The following SEMA3C variants were observed in gnomAD, a reference collection of about 807,000 sequenced individuals.
The protein encoded by SEMA3C is semaphorin-3C.
Under a neutral mutation model 89.4 loss-of-function variants are expected in SEMA3C, and 47 were observed. The observed-to-expected ratio is 0.53, with a 90% CI of 0.42 to 0.67. The LOEUF (loss-of-function observed/expected upper bound fraction) is 0.67. Ranked by LOEUF, SEMA3C falls within the 30% of genes least tolerant of loss-of-function variation. The pLI is 0.00. For missense variants in SEMA3C, 839 were observed against 929.1 expected (o/e 0.90, Z 1.26); for synonymous variants, 310 against 320.2 (o/e 0.97, Z 0.34).
At position 80,809,750 on chromosome 7, in the gene SEMA3C, A is replaced by G. The variant is rs553063966; in HGVS notation, c.538+861T>C. On this transcript the variant is annotated intron_variant, in intron 6 of 17. Transcript: ENST00000265361. ...GGATTTTTAAAAACATGGTACATAT[A>G]TACACGATGGAATACTATACAGCCT... is the stretch of plus-strand genomic sequence containing the variant. Among the ~76,000 whole-genome samples, 32 of 152,336 alleles carry G rather than the reference A, an allele frequency of 2.1e-4. No individual in the cohort carries two copies. In the South Asian group the frequency reaches 5.2e-3, roughly 25 times the overall value.
At chr7:80,899,427 T>C (rs1027078526) in intron 2 of SEMA3C, among the ~76,000 whole-genome samples, 1 of 152,184 alleles carries the variant, frequency 6.6e-6, no homozygotes, top group Non-Finnish European at 1.5e-5. Flanking sequence ...TGATATGACA[T>C]ATTGTTAGAA....
intron 2 of SEMA3C, among the ~76,000 whole-genome samples, chr7:80,893,475 T>G (rs1791663412): frequency 6.6e-6 from 1 of 152,154 alleles, no homozygotes; most frequent in East Asian, 1.9e-4. Context: ...CTCTCTAGCC[T>G]TCAACACTGA....
chr7:80,891,572 T>C (rs1249648442), intron 2 of SEMA3C, among the ~76,000 whole-genome samples: 1 of 152,118 alleles, frequency 6.6e-6, no homozygotes, highest in Non-Finnish European at 1.5e-5. Flanking sequence ...GCCCTTTCTT[T>C]GCACACCTAT....
chr7:80,804,284 T>C, intron 7 of SEMA3C, 36 bp from the exon 8 acceptor site: 1 of 1,447,146 alleles, frequency 6.9e-7, no homozygotes, highest in Non-Finnish European at 9.2e-7. Context: ...TATATATTCA[T>C]TATGAAAATC....
intron 4 of SEMA3C, 31 bp downstream of exon 4, chr7:80,827,390 GTGTT>G: frequency 4.0e-6 from 4 of 1,008,036 alleles, no homozygotes; most frequent in Non-Finnish European, 5.4e-6. Flanking sequence ...ATTTAAGTTA[GTGTT>G]TTTTTTTTTT....
chr7:80,811,269 T>C (rs1182656239), intron 5 of SEMA3C, among the ~76,000 whole-genome samples: 1 of 152,084 alleles, frequency 6.6e-6, no homozygotes, highest in East Asian at 1.9e-4. Flanking sequence ...GACTAAACAC[T>C]GGGGATATTG....
chr7:80,902,946 G>A (rs937004211), intron 2 of SEMA3C, among the ~76,000 whole-genome samples: 6 of 152,192 alleles, frequency 3.9e-5, no homozygotes, highest in African/African-American at 1.2e-4. Flanking sequence ...AAGAAGAACG[G>A]TAAGAGCATA....
At chr7:80,782,561 A>C (rs535974222) in intron 12 of SEMA3C, among the ~76,000 whole-genome samples, 1 of 152,364 alleles carries the variant, frequency 6.6e-6, no homozygotes, top group Admixed American at 6.5e-5. Flanking sequence ...GAAGAGAATA[A>C]ATGCTCAATA....
chr7:80,849,761 G>A (rs532856154), intron 2 of SEMA3C, among the ~76,000 whole-genome samples: 5 of 151,838 alleles, frequency 3.3e-5, no homozygotes, highest in Non-Finnish European at 7.4e-5. Flanking sequence ...TCTTAAATAG[G>A]GCAAAGAAGT....
intron 15 of SEMA3C, among the ~76,000 whole-genome samples, chr7:80,754,126 G>A (rs371673091): frequency 1.3e-5 from 2 of 152,102 alleles, no homozygotes; most frequent in Non-Finnish European, 2.9e-5. Context: ...TAGTAGAGAC[G>A]GGGTTTCACC....
rs1791104031 is a variant in SEMA3C at position 80,872,943 on chromosome 7, A to AG, written c.103+43735dup. ...AGAGTGAAAAAAAAAAAAAAAAAAA[A>AG]GAAAGCCACATCTTACTTTTGTTGT... is the stretch of plus-strand genomic sequence containing the variant. On this transcript the variant is annotated intron_variant, in intron 2 of 17. Transcript: ENST00000265361. Among the ~76,000 whole-genome samples the AG allele has an allele frequency of 5.3e-5, 8 of 149,946 alleles. No homozygotes were observed. The South Asian group carries it at 1.7e-3, about 32-fold the overall frequency.
In SEMA3C at chr7:80,872,954, TCTTA is replaced by T. The variant is rs1377124662; in HGVS notation, c.103+43721_103+43724del. On this transcript the variant is annotated intron_variant, in intron 2 of 17. Transcript: ENST00000265361. ...AAAAAAAAAAAAAAAGAAAGCCACA[TCTTA>T]CTTTTGTTGTGAAACTAGTTTTGAC... Among the ~76,000 whole-genome samples, 5 of 139,528 alleles carry T rather than the reference TCTTA, an allele frequency of 3.6e-5. No individual in the cohort carries two copies. In the South Asian group the frequency reaches 7.5e-4, roughly 21 times the overall value. The allele number at this position is 139,528 out of a possible 152,430, so 91.5% of individuals were successfully genotyped here. A position where few individuals can be genotyped will look rare whatever the true frequency, so the allele number is the denominator to read the frequency against.
At chr7:80,755,516 A>G (rs1788045942) in intron 15 of SEMA3C, among the ~76,000 whole-genome samples, 1 of 151,618 alleles carries the variant, frequency 6.6e-6, no homozygotes, top group African/African-American at 2.4e-5. Flanking sequence ...ACATTATATA[A>G]TAACTGGTAT....
chr7:80,864,790 C>G (rs1209829637), intron 2 of SEMA3C, among the ~76,000 whole-genome samples: 2 of 152,170 alleles, frequency 1.3e-5, no homozygotes, highest in Admixed American at 6.5e-5. Flanking sequence ...AATACCTCTT[C>G]TTGATTTTTC....
intron 2 of SEMA3C, 84 bp downstream of exon 2, chr7:80,916,595 A>G: frequency 8.0e-7 from 1 of 1,257,182 alleles, no homozygotes; most frequent in Admixed American, 2.5e-5. Flanking sequence ...AGTAATATTT[A>G]TACTCTTAAT....
chr7:80,792,793 T>C (rs904878540), intron 11 of SEMA3C, among the ~76,000 whole-genome samples: 3 of 152,186 alleles, frequency 2.0e-5, no homozygotes, highest in Non-Finnish European at 4.4e-5. Flanking sequence ...TTCTATTGAT[T>C]CATGCCATCA....
chr7:80,765,918 T>A (rs1788291318), intron 12 of SEMA3C, among the ~76,000 whole-genome samples: 1 of 152,082 alleles, frequency 6.6e-6, no homozygotes, highest in Non-Finnish European at 1.5e-5. Flanking sequence ...TATTACTTTC[T>A]CCTCCACACC....
chr7:80,743,555 G>A lies in SEMA3C; in HGVS notation c.*1339C>T, dbSNP rs1211353985. 1 of 151,780 alleles carries A rather than the reference G, an allele frequency of 6.6e-6. No homozygotes were observed. The highest frequency in any genetic ancestry group is 1.5e-5 in the Non-Finnish European group (1 of 67,798). The allele number at this position is 151,780 out of a possible 1,614,324, so 9.4% of individuals were successfully genotyped here. A position where few individuals can be genotyped will look rare whatever the true frequency, so the allele number is the denominator to read the frequency against. On this transcript the variant is annotated 3_prime_UTR_variant, in exon 18 of 18. Coordinates refer to ENST00000265361, the MANE Select transcript of SEMA3C (RefSeq NM_006379.5). ...AAAGGTAAATAAAAAAGCAAAAGTA[G>A]TGTTTTTAAAATATATATGAGAGCA...
intron 4 of SEMA3C, among the ~76,000 whole-genome samples, chr7:80,821,349 C>T (rs540075395): frequency 6.6e-6 from 1 of 152,276 alleles, no homozygotes; most frequent in South Asian, 2.1e-4. Context: ...CAAACACATA[C>T]GTCTCTAACA....
Sources: gnomAD v4.1 joint callset for allele counts (sites outside exome capture counted in the v4.1 genomes callset) on GRCh38, gnomAD v4.1.1 for gene constraint, MANE v1.5 for transcripts, NCBI Gene and HGNC (gene_info 2026-07-23, HGNC 2026-07-21) for gene names.